Variants in ATP9A observed in about 807,000 individuals in gnomAD.
ATP9A encodes ATPase phospholipid transporting 9A.
ATP9A carries 52 observed loss-of-function variants against 144.1 expected under a neutral mutation model. The observed-to-expected ratio is 0.36, with a 90% CI of 0.29 to 0.45. The LOEUF (loss-of-function observed/expected upper bound fraction) is 0.45, where lower values mean the gene tolerates loss of function less well. Among genes scored for constraint, ATP9A ranks in the 20% least tolerant of loss-of-function variants. The pLI is 1.00. For synonymous variants in ATP9A, 582 were observed against 557.4 expected (o/e 1.04, Z -0.62); for missense variants, 947 against 1,392.7 (o/e 0.68, Z 5.09).
chr20:51,642,749 A>C (rs1362892770), intron 14 of ATP9A, among the ~76,000 whole-genome samples: 1 of 144,950 alleles, frequency 6.9e-6, no homozygotes, highest in African/African-American at 2.7e-5. Context: ...AAAAAAAAAA[A>C]AAAAAAAAAA....
At chr20:51,764,148 C>G (rs1008924641) in intron 1 of ATP9A, among the ~76,000 whole-genome samples, 2 of 152,146 alleles carry the variant, frequency 1.3e-5, no homozygotes, top group African/African-American at 4.8e-5. Context: ...TATTGATATT[C>G]CCATTTTACA....
intron 1 of ATP9A, among the ~76,000 whole-genome samples, chr20:51,733,980 C>A (rs888950719): frequency 6.6e-6 from 1 of 151,898 alleles, no homozygotes; most frequent in African/African-American, 2.4e-5. Flanking sequence ...GCCCCTCATG[C>A]CTTTTTCTTT....
intron 9 of ATP9A, among the ~76,000 whole-genome samples, chr20:51,680,404 T>A (rs985765765): frequency 3.3e-5 from 5 of 151,966 alleles, no homozygotes; most frequent in Non-Finnish European, 7.4e-5. Context: ...TCTTCTCACC[T>A]TCTAAGAGGT....
In ATP9A at chr20:51,639,510, CAT is replaced by C; in HGVS notation, c.1507-8_1507-7del. The C allele has an allele frequency of 6.2e-7, 1 of 1,605,588 alleles. No homozygotes were observed. Among genetic ancestry groups the C allele is most frequent in the Non-Finnish European group, 8.5e-7 (1 of 1,176,648 alleles). ...GTCCACTGTACCAGGGCCACCTAAA[CAT>C]AACACAGGGTCGAAGGTCAGATGCC... On this transcript the variant is annotated splice_polypyrimidine_tract_variant and splice_region_variant and intron_variant, in intron 14 of 27. Coordinates refer to ENST00000338821, the MANE Select transcript of ATP9A (RefSeq NM_006045.3).
At chr20:51,663,710 C>T (rs1279665032) in intron 13 of ATP9A, among the ~76,000 whole-genome samples, 1 of 147,470 alleles carries the variant, frequency 6.8e-6, no homozygotes, top group Non-Finnish European at 1.5e-5. Context: ...AAGAGAATGG[C>T]GTGAACCCGG....
At chr20:51,696,210 G>A (rs1324852393) in intron 5 of ATP9A, 66 bp from the exon 6 acceptor site, 5 of 1,509,010 alleles carry the variant, frequency 3.3e-6, no homozygotes, top group African/African-American at 2.8e-5. Context: ...TGGGGAGGGG[G>A]GCTTCCGCCC....
At chr20:51,664,634 A>G (rs1234363382) in intron 13 of ATP9A, among the ~76,000 whole-genome samples, 2 of 152,184 alleles carry the variant, frequency 1.3e-5, no homozygotes, top group East Asian at 3.8e-4. Flanking sequence ...AATGAAAAAT[A>G]GCATTTCTCA....
At position 51,608,558 on chromosome 20, in the gene ATP9A, A is replaced by G. The variant is rs765880521; in HGVS notation, c.2705T>C (p.Val902Ala). The G allele has an allele frequency of 6.2e-7, 1 of 1,613,238 alleles. No individual in the cohort carries two copies. Among genetic ancestry groups the G allele is most frequent in the African/African-American group, 1.3e-5 (1 of 74,910 alleles). ...GTAGAGCTCAGGATACAGCATGGCA[A>G]CTTCCGATTTGACATCTTTGTCCAG... Reference protein sequence around the residue: ...LVLDKDVKSEVAMLYPELYKD... With the variant: ...LVLDKDVKSEAAMLYPELYKD... Residue 902 changes from valine (V) to alanine (A), a missense_variant, in exon 25 of 28, where the codon GTT (valine) becomes GCT (alanine). Transcript: ENST00000338821.
At chr20:51,649,650 C>A (rs1451794757) in intron 14 of ATP9A, among the ~76,000 whole-genome samples, 1 of 152,184 alleles carries the variant, frequency 6.6e-6, no homozygotes, top group Admixed American at 6.5e-5. Context: ...TGCAGTAGTT[C>A]ACGCCTGTAA....
At chr20:51,711,852 A>ATT (rs11469394) in intron 4 of ATP9A, among the ~76,000 whole-genome samples, 188 of 120,920 alleles carry the variant, frequency 1.6e-3, no homozygotes, top group African/African-American at 2.0e-3. Flanking sequence ...TTCAATTTCA[A>ATT]TTTTTTTTTT....
chr20:51,707,340 A>G (rs2426380), intron 4 of ATP9A, among the ~76,000 whole-genome samples: 101,256 of 151,874 alleles, frequency 0.67, 33,787 homozygotes, highest in Non-Finnish European at 0.68. Context: ...AGACATCACC[A>G]GATTCTCTCT....
chr20:51,619,075 T>A, intron 19 of ATP9A, 32 bp from the exon 20 acceptor site: 1 of 1,580,494 alleles, frequency 6.3e-7, no homozygotes, highest in Non-Finnish European at 8.7e-7. Flanking sequence ...GAAGGAGGCA[T>A]TGCTCTCCGG....
intron 3 of ATP9A, among the ~76,000 whole-genome samples, chr20:51,715,172 T>G (rs185198193): frequency 1.6e-4 from 25 of 152,350 alleles, no homozygotes; most frequent in Non-Finnish European, 2.9e-4. Context: ...TTAACTTCGA[T>G]TCAAAGGACT....
chr20:51,742,116 G>A (rs956661570), intron 1 of ATP9A, among the ~76,000 whole-genome samples: 2 of 152,158 alleles, frequency 1.3e-5, no homozygotes, highest in African/African-American at 4.8e-5. Context: ...TTGAGTTCAG[G>A]AGTTGGAGAC....
In ATP9A at chr20:51,639,430, C is replaced by T. The variant is rs1221443663; in HGVS notation, c.1581G>A (p.Arg527=). 1 of 1,613,872 alleles carries T rather than the reference C, an allele frequency of 6.2e-7. No homozygotes were observed. The highest frequency in any genetic ancestry group is 1.3e-5 in the African/African-American group (1 of 74,896). The change falls in exon 15 of 28, where the codon AGG becomes AGA. Residue 527 remains arginine, a synonymous_variant. Transcript: ENST00000338821. ...VGRDQSSMQL[R]TPGDQILNFT... is the part of the protein sequence containing the mutation. ...AGTTCAGGATCTGGTCGCCAGGGGTCCTCAGCTGCATGGAAGACTGGTCTC... is the reference window on the plus strand; with the variant it reads ...AGTTCAGGATCTGGTCGCCAGGGGTTCTCAGCTGCATGGAAGACTGGTCTC...
intron 1 of ATP9A, among the ~76,000 whole-genome samples, chr20:51,763,834 G>C (rs1328742835): frequency 6.6e-6 from 1 of 152,056 alleles, no homozygotes; most frequent in Non-Finnish European, 1.5e-5. Context: ...GCAAAGTCTT[G>C]GGCCACCTGG....
intron 1 of ATP9A, among the ~76,000 whole-genome samples, chr20:51,747,020 AG>A (rs1031587857): frequency 6.6e-6 from 1 of 152,048 alleles, no homozygotes; most frequent in Non-Finnish European, 1.5e-5. Context: ...AAAAGAGAAA[AG>A]AAAAAGGAGT....
chr20:51,679,945 G>A (rs1292508327), intron 9 of ATP9A, among the ~76,000 whole-genome samples: 2 of 152,118 alleles, frequency 1.3e-5, no homozygotes, highest in African/African-American at 4.8e-5. Context: ...TCAAACTGTT[G>A]TGGGCTGAGC....
At chr20:51,660,868 C>A (rs979637809) in intron 13 of ATP9A, among the ~76,000 whole-genome samples, 6 of 152,144 alleles carry the variant, frequency 3.9e-5, no homozygotes, top group African/African-American at 1.4e-4. Context: ...TAAAAAATAC[C>A]AGGGGAAAAC....
Sources: allele counts gnomAD v4.1 joint callset (sites outside exome capture counted in the v4.1 genomes callset), GRCh38; gene constraint gnomAD v4.1.1; transcripts MANE v1.5; gene names NCBI Gene and HGNC (gene_info 2026-07-23, HGNC 2026-07-21).